NDST4: variants seen among roughly 807,000 people sequenced by gnomAD.
NDST4 encodes N-heparan sulfate sulfotransferase 4.
NDST4 carries 63 observed loss-of-function variants against 100.8 expected under a neutral mutation model. The observed-to-expected ratio is 0.62, with a 90% CI of 0.51 to 0.77. NDST4 has a LOEUF of 0.77. NDST4 is among the 30% of genes least tolerant of loss of function. The probability of loss-of-function intolerance (pLI) is 0.00; values close to 1 mark genes in which losing one functional copy is unlikely to be tolerated. For synonymous variants in NDST4, 377 were observed against 361.8 expected (o/e 1.04, Z -0.48); for missense variants, 943 against 1,018.4 (o/e 0.93, Z 1.01).
At chr4:114,910,489 C>G (rs999043754) in intron 6 of NDST4, among the ~76,000 whole-genome samples, 3 of 152,234 alleles carry the variant, frequency 2.0e-5, no homozygotes, top group Admixed American at 1.3e-4. Context: ...AAAATGAGAA[C>G]TTTTTTCCTT....
chr4:115,056,453 T>C (rs1180261650), intron 2 of NDST4, among the ~76,000 whole-genome samples: 1 of 152,202 alleles, frequency 6.6e-6, no homozygotes, highest in Non-Finnish European at 1.5e-5. Flanking sequence ...CTAACTTAGT[T>C]TCAAACAACT....
At chr4:115,087,618 T>G (rs767064544) in intron 1 of NDST4, among the ~76,000 whole-genome samples, 1 of 151,920 alleles carries the variant, frequency 6.6e-6, no homozygotes, top group Non-Finnish European at 1.5e-5. Context: ...TATGTAACAA[T>G]GTTGCGATTT....
chr4:114,853,519 T>A (rs1723725242), intron 7 of NDST4, among the ~76,000 whole-genome samples: 1 of 152,326 alleles, frequency 6.6e-6, no homozygotes, highest in African/African-American at 2.4e-5. Context: ...GACTCTAATT[T>A]ATTACCAAAA....
chr4:115,052,682 T>C (rs1002684599), intron 2 of NDST4, among the ~76,000 whole-genome samples: 5 of 152,152 alleles, frequency 3.3e-5, no homozygotes, highest in Non-Finnish European at 7.3e-5. Flanking sequence ...CATGTGGAAC[T>C]GTGAGTCAAT....
intron 4 of NDST4, among the ~76,000 whole-genome samples, chr4:114,960,350 G>T (rs1179475538): frequency 1.3e-5 from 2 of 152,238 alleles, no homozygotes; most frequent in South Asian, 2.1e-4. Context: ...GCTCATGCCT[G>T]TATTACCAGC....
intron 4 of NDST4, among the ~76,000 whole-genome samples, chr4:114,961,415 G>A (rs1229046794): frequency 6.6e-6 from 1 of 151,890 alleles, no homozygotes; most frequent in Non-Finnish European, 1.5e-5. Flanking sequence ...TTAAAATTTG[G>A]TTATTTGACA....
At chr4:115,101,297 T>C (rs1334069420) in intron 1 of NDST4, among the ~76,000 whole-genome samples, 1 of 152,068 alleles carries the variant, frequency 6.6e-6, no homozygotes. Context: ...TAAATTATAA[T>C]ATATCATTTT....
At chr4:114,856,242 T>G (rs754102983) in intron 7 of NDST4, among the ~76,000 whole-genome samples, 1 of 152,092 alleles carries the variant, frequency 6.6e-6, no homozygotes, top group East Asian at 1.9e-4. Context: ...TTTTATTTCT[T>G]TGGTAGAGAT....
At chr4:114,953,136 G>C (rs1726059996) in intron 4 of NDST4, among the ~76,000 whole-genome samples, 2 of 150,374 alleles carry the variant, frequency 1.3e-5, no homozygotes, top group Non-Finnish European at 2.9e-5. Flanking sequence ...ATGGCAGCTT[G>C]TGAGTTCTTT....
intron 1 of NDST4, among the ~76,000 whole-genome samples, chr4:115,085,442 T>C (rs1333927733): frequency 6.6e-6 from 1 of 152,084 alleles, no homozygotes; most frequent in Non-Finnish European, 1.5e-5. Context: ...GGCAGGGCCA[T>C]AATAATATGG....
At chr4:115,073,691 A>C (rs1241183099) in intron 2 of NDST4, among the ~76,000 whole-genome samples, 1 of 151,970 alleles carries the variant, frequency 6.6e-6, no homozygotes, top group Non-Finnish European at 1.5e-5. Context: ...GTTAAAGTAC[A>C]CAAAATTTCA....
At chr4:114,850,933 C>T (rs555475104) in intron 8 of NDST4, among the ~76,000 whole-genome samples, 46 of 152,274 alleles carry the variant, frequency 3.0e-4, no homozygotes, top group African/African-American at 1.1e-3. Context: ...AAGTCTATGT[C>T]CATCATCTCT....
chr4:114,877,089 C>T (rs77588761), intron 6 of NDST4, among the ~76,000 whole-genome samples: 10,619 of 152,196 alleles, frequency 0.07, 409 homozygotes, highest in African/African-American at 0.099. Context: ...CACACACACG[C>T]GTGCACGCGC....
chr4:114,920,672 C>T (rs181714960), intron 6 of NDST4, among the ~76,000 whole-genome samples: 11 of 152,260 alleles, frequency 7.2e-5, no homozygotes, highest in Admixed American at 2.0e-4. Context: ...TTTCTGTTTA[C>T]AAGAACATGA....
intron 2 of NDST4, among the ~76,000 whole-genome samples, chr4:115,016,869 A>C (rs887461889): frequency 6.6e-6 from 1 of 152,028 alleles, no homozygotes; most frequent in African/African-American, 2.4e-5. Flanking sequence ...GAAGGCAAAA[A>C]GTATATAGAA....
chr4:115,005,926 G>C (rs192931745), intron 2 of NDST4, among the ~76,000 whole-genome samples: 2 of 151,316 alleles, frequency 1.3e-5, no homozygotes, highest in African/African-American at 4.9e-5. Flanking sequence ...TCAGCTACTC[G>C]GGAGGCTGAG....
At chr4:114,903,212 C>T (rs1262952607) in intron 6 of NDST4, among the ~76,000 whole-genome samples, 1 of 152,032 alleles carries the variant, frequency 6.6e-6, no homozygotes, top group Non-Finnish European at 1.5e-5. Context: ...TTCCAATAAG[C>T]CCCCTTCAGG....
intron 1 of NDST4, among the ~76,000 whole-genome samples, chr4:115,078,705 G>A (rs1370095524): frequency 3.3e-5 from 5 of 152,072 alleles, no homozygotes; most frequent in Admixed American, 1.3e-4. Flanking sequence ...AGCAGGCATG[G>A]TGGTGGGTGC....
Position 114,935,263 on chromosome 4 carries a change from T to G in NDST4, c.1479A>C (p.Gln493His). 6.2e-7 allele frequency: 1 copy of G among 1,611,512 alleles called. No homozygotes were observed. Among genetic ancestry groups the G allele is most frequent in the Non-Finnish European group, 8.5e-7 (1 of 1,178,838 alleles). ...CTCCTCTGATACTTTTATCCAGTTC[T>G]TGGGGTCCTCCTGGATATTCTTTGT... is the stretch of plus-strand genomic sequence containing the variant. ...IFYKEYPGGP[Q>H]ELDKSIRGGE... The change falls in exon 6 of 14, where the codon CAA becomes CAC. Residue 493 changes from glutamine to histidine, a missense_variant. Gln to His is a conservative substitution (Grantham distance 24). Coordinates refer to ENST00000264363, the MANE Select transcript of NDST4 (RefSeq NM_022569.3).
Sources: allele counts gnomAD v4.1 joint callset (sites outside exome capture counted in the v4.1 genomes callset), GRCh38; gene constraint gnomAD v4.1.1; transcripts MANE v1.5; gene names NCBI Gene and HGNC (gene_info 2026-07-23, HGNC 2026-07-21).